The following DFFA variants were observed in gnomAD, a reference collection of about 807,000 sequenced individuals.
DFFA encodes the protein DFF45.
In DFFA, 14 loss-of-function variants were observed where a neutral mutation model predicts 28.0. That is an observed-to-expected ratio of 0.50 (90% CI 0.33 to 0.78). The LOEUF (loss-of-function observed/expected upper bound fraction) is 0.78. DFFA is among the 30% of genes least tolerant of loss of function. The pLI is 0.02. For missense variants in DFFA, 395 were observed against 407.1 expected (o/e 0.97, Z 0.26); for synonymous variants, 158 against 170.3 (o/e 0.93, Z 0.56).
chr1:10,471,074 A>AAG (rs1341916472), intron 1 of DFFA, among the ~76,000 whole-genome samples: 1 of 151,430 alleles, frequency 6.6e-6, no homozygotes, highest in African/African-American at 2.4e-5. Context: ...AAAAAAAAAA[A>AAG]AAAAAAAGAA....
rs1161952552 is a variant in DFFA, at chr1:10,456,753, A to G, written c.*4737T>C. 1.3e-5 allele frequency: 2 copies of G among 152,238 alleles called. No individual in the cohort carries two copies. The highest frequency in any genetic ancestry group is 2.9e-5 in the Non-Finnish European group (2 of 68,042). 9.4% of individuals were successfully genotyped at this position (152,238 alleles called of 1,614,324 possible). ...AGCCAGTTGCCTCATGAGGACCGAC[A>G]TTTGACTTAAGCTGAAATAATGGAA... On this transcript the variant is annotated 3_prime_UTR_variant, in exon 6 of 6. Coordinates refer to ENST00000377038, the MANE Select transcript of DFFA (RefSeq NM_004401.3).
In DFFA at chr1:10,460,831, C is replaced by G. The variant is rs1410853808; in HGVS notation, c.*659G>C. 2 of 136,956 alleles carry G rather than the reference C, an allele frequency of 1.5e-5. No individual in the cohort carries two copies. The highest frequency in any genetic ancestry group is 7.5e-5 in the Admixed American group (1 of 13,364). The allele number at this position is 136,956 out of a possible 1,614,324, so 8.5% of individuals were successfully genotyped here. Reference sequence around the variant, plus strand: ...GCGTGAGCCAACACGCTCGGCCTGGCTTTTTTTTTTTTTAACATGTTCCAT... The same window carrying G: ...GCGTGAGCCAACACGCTCGGCCTGGGTTTTTTTTTTTTTAACATGTTCCAT... On this transcript the variant is annotated 3_prime_UTR_variant, in exon 6 of 6. Transcript: ENST00000377038.
Position 10,461,454 on chromosome 1 carries a change from C to T in DFFA, c.*36G>A, listed in dbSNP as rs367785591. 88 of 1,591,732 alleles carry T rather than the reference C, an allele frequency of 5.5e-5. No homozygotes were observed. In the African/African-American group the frequency reaches 8.4e-4, roughly 15 times the overall value. On this transcript the variant is annotated 3_prime_UTR_variant, in exon 6 of 6. Coordinates refer to ENST00000377038, the MANE Select transcript of DFFA (RefSeq NM_004401.3). ...CTGAGGGTGTCTACCAATAACACAA[C>T]GCCACAGAGCTTCCTTGGCACACTT...
At chr1:10,461,918 T>C (rs1455811565) in intron 5 of DFFA, 1 of 934,310 alleles carries the variant, frequency 1.1e-6, no homozygotes, top group Admixed American at 6.2e-5. Context: ...GCAGTGACAC[T>C]ATCTCGGCTC....
chr1:10,469,295 G>A lies in DFFA; in HGVS notation c.180C>T (p.Thr60=). The stretch of plus-strand genomic sequence containing the variant: ...TGGTGCCATCCTCTGCCAGGACCAG[G>A]GTGACTGGTGTCAGGGACTTATCAA... ...LAIDKSLTPV[T]LVLAEDGTIV... is the part of the protein sequence containing the mutation. Residue 60 remains threonine (T), a synonymous_variant, in exon 2 of 6, where the codon ACC becomes ACT. Coordinates refer to ENST00000377038, the MANE Select transcript of DFFA (RefSeq NM_004401.3). 6.2e-7 allele frequency: 1 copy of A among 1,614,110 alleles called. No homozygotes were observed. Among genetic ancestry groups the A allele is most frequent in the Non-Finnish European group, 8.5e-7 (1 of 1,179,978 alleles).
Position 10,463,671 on chromosome 1 carries a change from CTTTTT to C in DFFA, c.442-56_442-52del, listed in dbSNP as rs200149870. ...AAATCTACAGGGACTTTCTGACTTT[CTTTTT>C]TTTTTTTGAGACGGAGTCTGCTCTG... On this transcript the variant is annotated intron_variant, in intron 3 of 5. Transcript: ENST00000377038. 13 of 1,271,172 alleles carry C rather than the reference CTTTTT, an allele frequency of 1.0e-5. No homozygotes were observed. In the African/African-American group the frequency reaches 2.0e-4, roughly 20 times the overall value. The allele number at this position is 1,271,172 out of a possible 1,614,324, so 78.7% of individuals were successfully genotyped here.
intron 2 of DFFA, among the ~76,000 whole-genome samples, chr1:10,468,375 T>C (rs1641050249): frequency 6.6e-6 from 1 of 151,014 alleles, no homozygotes; most frequent in African/African-American, 2.4e-5. Context: ...TTATTCTTGG[T>C]TATCACAGTT....
intron 1 of DFFA, among the ~76,000 whole-genome samples, chr1:10,471,181 A>G (rs563791280): frequency 6.6e-6 from 1 of 152,116 alleles, no homozygotes; most frequent in South Asian, 2.1e-4. Flanking sequence ...GTAGCTTTTC[A>G]TATCATTATC....
At chr1:10,468,219 C>T (rs1469511012) in intron 2 of DFFA, among the ~76,000 whole-genome samples, 1 of 151,906 alleles carries the variant, frequency 6.6e-6, no homozygotes, top group Non-Finnish European at 1.5e-5. Context: ...CTTTCTATCT[C>T]CTGTGATGAT....
rs745707454 is a variant in DFFA at position 10,467,384 on chromosome 1, C to T, written c.299-52G>A. 13 of 1,600,722 alleles carry T rather than the reference C, an allele frequency of 8.1e-6. 1 individual carries two copies. The Middle Eastern group carries it at 8.2e-4, about 102-fold the overall frequency. Reference sequence around the variant, plus strand: ...ACAGAACAACCTGAAGTGCTGTTTTCACCTCCTCCCCCAGCACACACAGAC... The same window carrying T: ...ACAGAACAACCTGAAGTGCTGTTTTTACCTCCTCCCCCAGCACACACAGAC... On this transcript the variant is annotated intron_variant, in intron 2 of 5. Coordinates refer to ENST00000377038, the MANE Select transcript of DFFA (RefSeq NM_004401.3).
At position 10,469,197 on chromosome 1, in the gene DFFA, T is replaced by A. The variant is rs1242492796; in HGVS notation, c.278A>T (p.Lys93Ile). Reference sequence around the variant, plus strand: ...CTTACCTGAATTGTTGTATGCCCATTTCTCATTACTAGCCAATGCCACAAA... The same window carrying A: ...CTTACCTGAATTGTTGTATGCCCATATCTCATTACTAGCCAATGCCACAAA... ...TKFVALASNE[K>I]WAYNNSDGGT... The change falls in exon 2 of 6, where the codon AAA (lysine) becomes ATA (isoleucine). Residue 93 changes from lysine (K) to isoleucine (I), a missense_variant. Lys to Ile is a moderately radical substitution (Grantham distance 102). Transcript: ENST00000377038. 2.5e-6 allele frequency: 4 copies of A among 1,614,206 alleles called. No individual in the cohort carries two copies. The highest frequency in any genetic ancestry group is 1.1e-5 in the South Asian group (1 of 91,084).
intron 3 of DFFA, among the ~76,000 whole-genome samples, chr1:10,466,878 G>A (rs1271915633): frequency 2.0e-5 from 3 of 149,642 alleles, no homozygotes; most frequent in Admixed American, 6.7e-5. Context: ...GCTTGAACCC[G>A]GGAGGTGGAG....
Position 10,461,381 on chromosome 1 carries a change from G to A in DFFA, c.*109C>T. The A allele has an allele frequency of 6.9e-7, 1 of 1,453,812 alleles. No individual in the cohort carries two copies. The highest frequency in any genetic ancestry group is 9.1e-7 in the Non-Finnish European group (1 of 1,098,140). The allele number at this position is 1,453,812 out of a possible 1,614,324, so 90.1% of individuals were successfully genotyped here. ...ACCTGGAATAGCTTCTCTGGAAGGT[G>A]CTCTAAGGCAGGGGGTAGAGTAGTA... On this transcript the variant is annotated 3_prime_UTR_variant, in exon 6 of 6. Transcript: ENST00000377038.
chr1:10,465,660 G>T (rs963426937), intron 3 of DFFA, among the ~76,000 whole-genome samples: 9 of 151,926 alleles, frequency 5.9e-5, no homozygotes, highest in African/African-American at 1.7e-4. Flanking sequence ...CAAAGTTCTA[G>T]GATTATAGGT....
chr1:10,464,630 G>A (rs1345241829), intron 3 of DFFA, among the ~76,000 whole-genome samples: 4 of 152,122 alleles, frequency 2.6e-5, no homozygotes, highest in African/African-American at 4.8e-5. Flanking sequence ...TGGGAGGATC[G>A]CTTGAGCCCA....
chr1:10,463,123 G>A lies in DFFA; in HGVS notation c.718C>T (p.His240Tyr). 1 of 1,614,130 alleles carries A rather than the reference G, an allele frequency of 6.2e-7. No individual in the cohort carries two copies. The highest frequency in any genetic ancestry group is 8.5e-7 in the Non-Finnish European group (1 of 1,180,032). The change falls in exon 5 of 6, where the codon CAC becomes TAC. Residue 240 changes from histidine to tyrosine, a missense_variant. His to Tyr is a moderately conservative substitution (Grantham distance 83). Transcript: ENST00000377038. The stretch of plus-strand genomic sequence containing the variant: ...TTCTCCCTCAGTGCAGTAAGGATGT[G>A]GCTCGCCAGCGCAACGTCCGAGGAG... ...ETSSDVALAS[H>Y]ILTALREKQA... is the part of the protein sequence containing the mutation.
Position 10,472,277 on chromosome 1 carries a change from C to T in DFFA, c.136+46G>A. ...GCCTCGCCCCCGCCGGACGTCCTCA[C>T]CCGGCCCTGGCTCCCCCACACCCTC... On this transcript the variant is annotated intron_variant, in intron 1 of 5. Transcript: ENST00000377038. The surrounding 1 kb of genome is among the most constrained non-coding windows in gnomAD (Gnocchi z 5.0). 6.5e-7 allele frequency: 1 copy of T among 1,527,072 alleles called. No homozygotes were observed. The highest frequency in any genetic ancestry group is 8.8e-7 in the Non-Finnish European group (1 of 1,132,076). The allele number at this position is 1,527,072 out of a possible 1,614,324, so 94.6% of individuals were successfully genotyped here. A position where few individuals can be genotyped will look rare whatever the true frequency, so the allele number is the denominator to read the frequency against.
Position 10,472,246 on chromosome 1 carries a change from G to A in DFFA, c.136+77C>T, listed in dbSNP as rs1641108599. 3 of 1,455,594 alleles carry A rather than the reference G, an allele frequency of 2.1e-6. No homozygotes were observed. In the East Asian group the frequency reaches 7.7e-5, roughly 37 times the overall value. 90.2% of individuals were successfully genotyped at this position (1,455,594 alleles called of 1,614,324 possible). On this transcript the variant is annotated intron_variant, in intron 1 of 5. Coordinates refer to ENST00000377038, the MANE Select transcript of DFFA (RefSeq NM_004401.3). This position sits in a 1 kb window ranked among gnomAD's most constrained non-coding sequence, Gnocchi z 5.0. ...CAAGAATCCCCAAGTCGCCTCTCCTGACCCCGCCTCGCCCCCGCCGGACGT... is the reference window on the plus strand; with the variant it reads ...CAAGAATCCCCAAGTCGCCTCTCCTAACCCCGCCTCGCCCCCGCCGGACGT...
chr1:10,466,505 G>C (rs1641025639), intron 3 of DFFA, among the ~76,000 whole-genome samples: 1 of 151,896 alleles, frequency 6.6e-6, no homozygotes, highest in South Asian at 2.1e-4. Flanking sequence ...AATCTTACTA[G>C]AGAGAAAACA....
Sources: allele counts gnomAD v4.1 joint callset (sites outside exome capture counted in the v4.1 genomes callset), GRCh38; gene constraint gnomAD v4.1.1; non-coding constraint Gnocchi (gnomAD v3.1); transcripts MANE v1.5; gene names NCBI Gene and HGNC (gene_info 2026-07-23, HGNC 2026-07-21).